The following SERGEF variants were observed in gnomAD, a reference collection of about 807,000 sequenced individuals.
The protein encoded by SERGEF is secretion regulating guanine nucleotide exchange factor, also known as secretion-regulating guanine nucleotide exchange factor.
A neutral mutation model predicts 50.0 loss-of-function variants in SERGEF; 51 were observed. That is an observed-to-expected ratio of 1.02 (90% CI 0.81 to 1.29). SERGEF has a LOEUF of 1.29. SERGEF is among the 50% of genes most tolerant of loss of function. The pLI is 0.00. For missense variants in SERGEF, 521 were observed against 557.0 expected (o/e 0.94, Z 0.65); for synonymous variants, 205 against 212.4 (o/e 0.97, Z 0.30).
At chr11:17,896,024 C>G (rs1390187565) in intron 9 of SERGEF, among the ~76,000 whole-genome samples, 1 of 152,098 alleles carries the variant, frequency 6.6e-6, no homozygotes. Context: ...AATAACTTGT[C>G]ATTATAAAGT....
At chr11:17,837,763 C>A (rs1008063918) in intron 10 of SERGEF, among the ~76,000 whole-genome samples, 3 of 150,622 alleles carry the variant, frequency 2.0e-5, no homozygotes, top group Non-Finnish European at 2.9e-5. Flanking sequence ...CGGGTTCAAG[C>A]GGTTCTCCTG....
chr11:17,838,014 A>G (rs1850436304), intron 10 of SERGEF, among the ~76,000 whole-genome samples: 2 of 152,202 alleles, frequency 1.3e-5, no homozygotes, highest in South Asian at 4.1e-4. Flanking sequence ...ATTCCTTGAT[A>G]CAATCACCAA....
chr11:17,882,069 T>G (rs906485955), intron 9 of SERGEF, among the ~76,000 whole-genome samples: 1 of 152,250 alleles, frequency 6.6e-6, no homozygotes, highest in African/African-American at 2.4e-5. Flanking sequence ...TTATGCATGC[T>G]ATGCTCCTTG....
At chr11:17,925,059 T>C (rs11024435) in intron 9 of SERGEF, among the ~76,000 whole-genome samples, 49,859 of 152,050 alleles carry the variant, frequency 0.33, 9,403 homozygotes, top group East Asian at 0.49. Flanking sequence ...GTGTACTCTT[T>C]TTTTTCTTTT....
At chr11:17,946,766 A>C (rs1169571287) in intron 9 of SERGEF, among the ~76,000 whole-genome samples, 3 of 152,174 alleles carry the variant, frequency 2.0e-5, no homozygotes, top group African/African-American at 2.4e-5. Context: ...AAAGATGCCT[A>C]TATTTCTATG....
intron 10 of SERGEF, among the ~76,000 whole-genome samples, chr11:17,807,335 C>A (rs867063571): frequency 5.4e-5 from 7 of 130,242 alleles, no homozygotes; most frequent in Admixed American, 7.2e-5. Flanking sequence ...AACTCCCCCC[C>A]CACAAAAAAA....
intron 10 of SERGEF, among the ~76,000 whole-genome samples, chr11:17,864,530 T>C (rs2095303820): frequency 6.6e-6 from 1 of 152,230 alleles, no homozygotes; most frequent in African/African-American, 2.4e-5. Flanking sequence ...TCTGTATTTA[T>C]TGTGAAACAT....
At chr11:17,876,586 C>CAG (rs1851238977) in intron 10 of SERGEF, among the ~76,000 whole-genome samples, 2 of 152,252 alleles carry the variant, frequency 1.3e-5, no homozygotes, top group Admixed American at 1.3e-4. Context: ...GACGCTCACA[C>CAG]AGAGATGGAG....
chr11:17,935,381 T>A (rs1852431662), intron 9 of SERGEF, among the ~76,000 whole-genome samples: 2 of 152,010 alleles, frequency 1.3e-5, no homozygotes, highest in Admixed American at 6.6e-5. Flanking sequence ...GATGGGAAGA[T>A]CTGCTTGAGC....
At chr11:17,801,805 C>T (rs1366287753) in intron 10 of SERGEF, among the ~76,000 whole-genome samples, 2 of 152,146 alleles carry the variant, frequency 1.3e-5, no homozygotes, top group Non-Finnish European at 2.9e-5. Flanking sequence ...GCGGGCAGCT[C>T]AAGAGGTAAC....
In SERGEF at chr11:18,013,037, G is replaced by T; in HGVS notation, c.-27C>A. On this transcript the variant is annotated 5_prime_UTR_variant, in exon 1 of 11. Transcript: ENST00000265965. This position sits in a 1 kb window ranked among gnomAD's most constrained non-coding sequence, Gnocchi z 4.3. ...CGAGGACGCTCCGCCGGCGCTTCCG[G>T]GAGGGACGGCACGGGGGCGGCGCCT... The T allele has an allele frequency of 7.4e-7, 1 of 1,352,004 alleles. No individual in the cohort carries two copies. Among genetic ancestry groups the T allele is most frequent in the Non-Finnish European group, 9.4e-7 (1 of 1,062,156 alleles). 83.8% of individuals were successfully genotyped at this position (1,352,004 alleles called of 1,614,324 possible).
At chr11:17,921,629 T>C (rs1303780622) in intron 9 of SERGEF, among the ~76,000 whole-genome samples, 2 of 151,984 alleles carry the variant, frequency 1.3e-5, no homozygotes, top group Non-Finnish European at 2.9e-5. Context: ...AAGAGAAACA[T>C]AGACAAAAAG....
chr11:17,986,095 G>A (rs1477424951), intron 8 of SERGEF, among the ~76,000 whole-genome samples: 3 of 152,094 alleles, frequency 2.0e-5, no homozygotes, highest in South Asian at 2.1e-4. Context: ...ATTCACCACC[G>A]GAGCTTGTGA....
intron 9 of SERGEF, among the ~76,000 whole-genome samples, chr11:17,918,525 A>T (rs1259282539): frequency 5.9e-5 from 9 of 152,198 alleles, no homozygotes; most frequent in African/African-American, 1.9e-4. Flanking sequence ...TCAAAGATTT[A>T]CTGCCTCCTA....
chr11:17,871,597 A>C (rs1851138953), intron 10 of SERGEF, among the ~76,000 whole-genome samples: 1 of 152,184 alleles, frequency 6.6e-6, no homozygotes. Context: ...GACAAAACCC[A>C]ACTTAAAACA....
At chr11:18,012,417 A>T (rs1854215223) in intron 1 of SERGEF, 2 of 902,428 alleles carry the variant, frequency 2.2e-6, no homozygotes, top group East Asian at 1.2e-4. Flanking sequence ...AACTCCCCCA[A>T]CACATGCAAG....
At chr11:17,958,721 TTTC>T (rs1852928043) in intron 9 of SERGEF, among the ~76,000 whole-genome samples, 1 of 152,170 alleles carries the variant, frequency 6.6e-6, no homozygotes, top group African/African-American at 2.4e-5. Flanking sequence ...CCCAAAATAG[TTTC>T]TTCACTTTCC....
chr11:17,964,360 A>G (rs1478711630), intron 8 of SERGEF, among the ~76,000 whole-genome samples: 1 of 152,072 alleles, frequency 6.6e-6, no homozygotes, highest in Non-Finnish European at 1.5e-5. Context: ...CAAGGGCTGC[A>G]GGTGCTGCAG....
intron 10 of SERGEF, among the ~76,000 whole-genome samples, chr11:17,864,537 A>G (rs2133885918): frequency 6.6e-6 from 1 of 152,330 alleles, no homozygotes; most frequent in Non-Finnish European, 1.5e-5. Context: ...TTATTGTGAA[A>G]CATCTTTCTT....
Sources: allele counts gnomAD v4.1 joint callset (sites outside exome capture counted in the v4.1 genomes callset), GRCh38; gene constraint gnomAD v4.1.1; non-coding constraint Gnocchi (gnomAD v3.1); transcripts MANE v1.5; gene names NCBI Gene and HGNC (gene_info 2026-07-23, HGNC 2026-07-21).